TMEM135: variants seen among roughly 807,000 people sequenced by gnomAD.
TMEM135 encodes the protein transmembrane protein 135.
Under a neutral mutation model 60.3 loss-of-function variants are expected in TMEM135, and 30 were observed. The ratio of observed to expected loss-of-function variants is 0.50; its 90% CI spans 0.37 to 0.68. The LOEUF is 0.68. Ranked by LOEUF, TMEM135 falls within the 30% of genes least tolerant of loss-of-function variation. TMEM135 has a pLI of 0.00. For synonymous variants in TMEM135, 190 were observed against 186.7 expected, an observed-to-expected ratio of 1.02 and a Z score of -0.14; for missense variants, 468 against 548.8, an observed-to-expected ratio of 0.85 and a Z score of 1.47.
chr11:87,326,115 G>A lies in TMEM135; in HGVS notation c.*4782G>A, dbSNP rs1385254282. Reference sequence around the variant, plus strand: ...TTTTTTTTTTTTAATATTCAGTTTTGTGCCATACTCTCCCCCACCCCCAGC... The same window carrying A: ...TTTTTTTTTTTTAATATTCAGTTTTATGCCATACTCTCCCCCACCCCCAGC... On this transcript the variant is annotated 3_prime_UTR_variant, in exon 15 of 15. Coordinates refer to ENST00000305494, the MANE Select transcript of TMEM135 (RefSeq NM_022918.4). 2 of 447,896 alleles carry A rather than the reference G, an allele frequency of 4.5e-6. No homozygotes were observed. The highest frequency in any genetic ancestry group is 2.1e-5 in the African/African-American group (1 of 47,916). 27.7% of individuals were successfully genotyped at this position (447,896 alleles called of 1,614,324 possible).
chr11:87,193,294 T>G (rs1939860547), intron 5 of TMEM135, among the ~76,000 whole-genome samples: 1 of 152,114 alleles, frequency 6.6e-6, no homozygotes, highest in Non-Finnish European at 1.5e-5. Context: ...TCAAGAAATA[T>G]TTAGGAGATA....
intron 4 of TMEM135, among the ~76,000 whole-genome samples, chr11:87,097,303 C>G (rs1473350325): frequency 6.6e-6 from 1 of 152,006 alleles, no homozygotes; most frequent in Non-Finnish European, 1.5e-5. Context: ...GGTTGCCACT[C>G]TTTTAATGAG....
At chr11:87,109,357 T>G (rs1857683377) in intron 4 of TMEM135, among the ~76,000 whole-genome samples, 1 of 152,172 alleles carries the variant, frequency 6.6e-6, no homozygotes, top group Non-Finnish European at 1.5e-5. Flanking sequence ...TTTGGCACAG[T>G]AAAAGATTAA....
chr11:87,191,919 C>T (rs534142371), intron 5 of TMEM135, among the ~76,000 whole-genome samples: 180 of 150,454 alleles, frequency 1.2e-3, no homozygotes, highest in African/African-American at 4.1e-3. Flanking sequence ...GTCATCTGGA[C>T]GTGGGGCATT....
intron 6 of TMEM135, among the ~76,000 whole-genome samples, chr11:87,251,836 T>C (rs748767213): frequency 1.1e-4 from 16 of 152,194 alleles, no homozygotes; most frequent in Non-Finnish European, 2.2e-4. Flanking sequence ...GTAGTGATTG[T>C]TTTTAAACCA....
At chr11:87,274,248 T>G (rs1221598705) in intron 6 of TMEM135, among the ~76,000 whole-genome samples, 2 of 150,636 alleles carry the variant, frequency 1.3e-5, no homozygotes, top group African/African-American at 4.9e-5. Context: ...TTCTGCCATC[T>G]ATTCCCTTTA....
At chr11:87,063,361 G>C (rs1949967604) in intron 1 of TMEM135, among the ~76,000 whole-genome samples, 1 of 152,064 alleles carries the variant, frequency 6.6e-6, no homozygotes, top group African/African-American at 2.4e-5. Context: ...AAATTCATAA[G>C]AAATTAATGA....
At chr11:87,152,106 G>C (rs915487917) in intron 4 of TMEM135, among the ~76,000 whole-genome samples, 5 of 152,052 alleles carry the variant, frequency 3.3e-5, no homozygotes, top group African/African-American at 1.2e-4. Flanking sequence ...TAATTCCTAA[G>C]GTTCTGCTGA....
intron 4 of TMEM135, among the ~76,000 whole-genome samples, chr11:87,137,035 AT>A (rs1170841592): frequency 6.6e-6 from 1 of 151,946 alleles, no homozygotes; most frequent in Non-Finnish European, 1.5e-5. Flanking sequence ...ATCTTTACTG[AT>A]TTTCTCTCTA....
At position 87,291,515 on chromosome 11, in the gene TMEM135, A is replaced by ATTTT. The variant is rs869273724; in HGVS notation, c.510-4236_510-4233dup. Among the ~76,000 whole-genome samples, 168 of 50,572 alleles carry ATTTT rather than the reference A, an allele frequency of 3.3e-3. 22 individuals are homozygous for ATTTT. The highest frequency in any genetic ancestry group is 4.4e-3 in the East Asian group (6 of 1,378). 33.2% of individuals were successfully genotyped at this position (50,572 alleles called of 152,430 possible). ...TGTAAGTCTATCCAGCAGCCAAGTG[A>ATTTT]TTTTTTTTTTTTTTTTTTTTTTTTT... On this transcript the variant is annotated intron_variant, in intron 6 of 14. Transcript: ENST00000305494.
At chr11:87,238,809 C>G (rs934937256) in intron 6 of TMEM135, among the ~76,000 whole-genome samples, 3 of 151,960 alleles carry the variant, frequency 2.0e-5, no homozygotes, top group African/African-American at 7.2e-5. Context: ...AGCTTAAAAA[C>G]TAGAAACATA....
chr11:87,075,661 C>T (rs1856856316), intron 3 of TMEM135, among the ~76,000 whole-genome samples: 1 of 152,088 alleles, frequency 6.6e-6, no homozygotes, highest in Non-Finnish European at 1.5e-5. Context: ...AGTGACCAGG[C>T]CAGTTGTCTC....
At chr11:87,154,735 G>T (rs1231089494) in intron 4 of TMEM135, among the ~76,000 whole-genome samples, 2 of 99,954 alleles carry the variant, frequency 2.0e-5, no homozygotes, top group African/African-American at 3.9e-5. Context: ...TAGTGATGTG[G>T]AGCATCATTT....
intron 5 of TMEM135, among the ~76,000 whole-genome samples, chr11:87,165,538 A>G (rs1191757664): frequency 1.2e-4 from 18 of 144,612 alleles, no homozygotes; most frequent in Admixed American, 3.5e-4. Flanking sequence ...TTGGTATCAG[A>G]ATGATGCTGG....
intron 5 of TMEM135, among the ~76,000 whole-genome samples, chr11:87,170,190 CT>C (rs371748334): frequency 1.1e-4 from 16 of 152,038 alleles, no homozygotes; most frequent in African/African-American, 2.9e-4. Context: ...TTCCTCTAAC[CT>C]TTTTTCATGG....
chr11:87,313,913 T>G (rs1942682322), intron 11 of TMEM135, among the ~76,000 whole-genome samples: 1 of 151,818 alleles, frequency 6.6e-6, no homozygotes, highest in African/African-American at 2.4e-5. Context: ...TAAATATTAT[T>G]TTCTATAAGT....
Position 87,244,335 on chromosome 11 carries a change from G to A in TMEM135, c.509+7651G>A, listed in dbSNP as rs1234823488. On this transcript the variant is annotated intron_variant, in intron 6 of 14. Coordinates refer to ENST00000305494, the MANE Select transcript of TMEM135 (RefSeq NM_022918.4). ...CTCTTTTTTGGTTGTGTCTCTGCCC[G>A]GCTTTGGTATCAGGATGATGCTGGC... is the stretch of plus-strand genomic sequence containing the variant. 8.6e-4 allele frequency among the ~76,000 whole-genome samples: 62 copies of A among 71,968 alleles called. 18 individuals are homozygous for A. Among genetic ancestry groups the A allele is most frequent in the African/African-American group, 3.0e-3 (54 of 17,846 alleles). The allele number at this position is 71,968 out of a possible 152,430, so 47.2% of individuals were successfully genotyped here. A position where few individuals can be genotyped will look rare whatever the true frequency, so the allele number is the denominator to read the frequency against.
intron 5 of TMEM135, among the ~76,000 whole-genome samples, chr11:87,216,987 G>T (rs532160703): frequency 6.6e-6 from 1 of 152,090 alleles, no homozygotes; most frequent in Non-Finnish European, 1.5e-5. Flanking sequence ...TATATTGATG[G>T]AGGCATATCA....
At chr11:87,100,976 A>T (rs1156689753) in intron 4 of TMEM135, among the ~76,000 whole-genome samples, 2 of 152,244 alleles carry the variant, frequency 1.3e-5, no homozygotes, top group Non-Finnish European at 2.9e-5. Flanking sequence ...AAAAACATAC[A>T]AATTGAAGGC....
Sources: allele counts gnomAD v4.1 joint callset (sites outside exome capture counted in the v4.1 genomes callset), GRCh38; gene constraint gnomAD v4.1.1; transcripts MANE v1.5; gene names NCBI Gene and HGNC (gene_info 2026-07-23, HGNC 2026-07-21).